The following WHRN variants were observed in gnomAD, a reference collection of about 807,000 sequenced individuals.
WHRN encodes the protein whirlin.
In WHRN, 41 loss-of-function variants were observed where a neutral mutation model predicts 68.3. The ratio of observed to expected loss-of-function variants is 0.60; its 90% CI spans 0.47 to 0.78. The LOEUF (loss-of-function observed/expected upper bound fraction) is 0.78, where lower values mean the gene tolerates loss of function less well. Among genes scored for constraint, WHRN ranks in the 30% least tolerant of loss-of-function variants. The pLI, the probability that WHRN is intolerant of heterozygous loss-of-function variation, is 0.00. For missense variants in WHRN, 1,243 were observed against 1,244.7 expected (o/e 1.00, Z 0.02); for synonymous variants, 560 against 561.3 (o/e 1.00, Z 0.03).
chr9:114,425,174 T>C (rs1486286644), intron 4 of WHRN, 150 bp from the exon 5 acceptor site: 1 of 807,966 alleles, frequency 1.2e-6, no homozygotes, highest in Middle Eastern at 2.5e-4. Flanking sequence ...GTCTGGGGGC[T>C]ACTCAGGGGT....
chr9:114,443,846 A>G (rs1006484370), intron 3 of WHRN, among the ~76,000 whole-genome samples: 1 of 152,026 alleles, frequency 6.6e-6, no homozygotes, highest in African/African-American at 2.4e-5. Flanking sequence ...AAGGAAAGAC[A>G]GGTTTAATGG....
chr9:114,499,000 C>T (rs1843696069), intron 1 of WHRN, among the ~76,000 whole-genome samples: 1 of 152,190 alleles, frequency 6.6e-6, no homozygotes, highest in Non-Finnish European at 1.5e-5. Context: ...CTCCAGGTGA[C>T]AATGATGTGT....
rs1257759693 is a variant in WHRN at position 114,406,624 on chromosome 9, G to A, written c.1967C>T (p.Pro656Leu). 2 of 1,611,710 alleles carry A rather than the reference G, an allele frequency of 1.2e-6. No homozygotes were observed. The highest frequency in any genetic ancestry group is 1.7e-6 in the Non-Finnish European group (2 of 1,178,254). Residue 656 changes from proline (P) to leucine (L), a missense_variant, in exon 9 of 12, where the codon CCT becomes CTT. Pro to Leu is a moderately conservative substitution (Grantham distance 98, BLOSUM62 -3). Transcript: ENST00000362057. Reference protein sequence around the residue: ...PSSPIYASVSPANPSSKRPLD... With the variant: ...PSSPIYASVSLANPSSKRPLD... Reference sequence around the variant, plus strand: ...CGGCCTCTTGGAGCTGGGGTTGGCAGGGGAGACGGAGGCATAGATGGGGGA... The same window carrying A: ...CGGCCTCTTGGAGCTGGGGTTGGCAAGGGAGACGGAGGCATAGATGGGGGA...
At chr9:114,457,280 G>A (rs551618331) in intron 3 of WHRN, among the ~76,000 whole-genome samples, 1 of 152,232 alleles carries the variant, frequency 6.6e-6, no homozygotes, top group African/African-American at 2.4e-5. Context: ...AACAAACAAG[G>A]TGAACCTGGG....
intron 3 of WHRN, among the ~76,000 whole-genome samples, chr9:114,442,171 C>T (rs1333554385): frequency 1.2e-4 from 18 of 152,128 alleles, no homozygotes; most frequent in Admixed American, 1.1e-3. Flanking sequence ...TGAAACTAAA[C>T]AATCATAAAA....
rs1259270342 is a variant in WHRN at position 114,505,019 on chromosome 9, G to C, written c.-218C>G. 1.7e-6 allele frequency: 1 copy of C among 577,880 alleles called. No individual in the cohort carries two copies. Among genetic ancestry groups the C allele is most frequent in the Non-Finnish European group, 2.6e-6 (1 of 381,996 alleles). The allele number at this position is 577,880 out of a possible 1,614,324, so 35.8% of individuals were successfully genotyped here. A position where few individuals can be genotyped will look rare whatever the true frequency, so the allele number is the denominator to read the frequency against. On this transcript the variant is annotated 5_prime_UTR_variant, in exon 1 of 12. Coordinates refer to ENST00000362057, the MANE Select transcript of WHRN (RefSeq NM_015404.4). ...GAAGACGGCGGGGGTCGCGAACCTGGAATCCGGGGGACGCGGAGACGTCGG... is the reference window on the plus strand; with the variant it reads ...GAAGACGGCGGGGGTCGCGAACCTGCAATCCGGGGGACGCGGAGACGTCGG...
chr9:114,426,670 G>A lies in WHRN; in HGVS notation c.964-257C>T, dbSNP rs563669033. Among the ~76,000 whole-genome samples, 4 of 152,324 alleles carry A rather than the reference G, an allele frequency of 2.6e-5. No homozygotes were observed. In the South Asian group the frequency reaches 8.3e-4, roughly 32 times the overall value. ...TGACTCAGCAATGGCTTTGAGGGGT[G>A]GGTCTACGATGACATTCCAAGGGTC... On this transcript the variant is annotated intron_variant, in intron 3 of 11. Transcript: ENST00000362057.
At chr9:114,407,008 G>T in intron 8 of WHRN, 116 bp from the exon 9 acceptor site, 6 of 1,252,460 alleles carry the variant, frequency 4.8e-6, no homozygotes, top group Non-Finnish European at 6.8e-6. Flanking sequence ...CACTCTAACT[G>T]CTCTTGGCCA....
chr9:114,504,089 T>A, intron 1 of WHRN, 95 bp downstream of exon 1: 3 of 1,561,144 alleles, frequency 1.9e-6, no homozygotes, highest in Non-Finnish European at 8.7e-7. Context: ...AAAGGCCAAG[T>A]GATTCATCTA....
intron 1 of WHRN, among the ~76,000 whole-genome samples, chr9:114,485,969 G>A (rs990944753): frequency 6.6e-6 from 1 of 152,062 alleles, no homozygotes; most frequent in African/African-American, 2.4e-5. Context: ...AGCTATGATC[G>A]AGCCACTGCA....
At chr9:114,467,852 A>G (rs868665306) in intron 2 of WHRN, among the ~76,000 whole-genome samples, 5 of 152,352 alleles carry the variant, frequency 3.3e-5, no homozygotes, top group Middle Eastern at 3.4e-3. Flanking sequence ...TAAGGGATCC[A>G]AAGAGAGCAC....
chr9:114,480,822 A>G (rs1842043238), intron 1 of WHRN, among the ~76,000 whole-genome samples: 1 of 152,246 alleles, frequency 6.6e-6, no homozygotes, highest in South Asian at 2.1e-4. Context: ...CATGTCTTAT[A>G]GTATGAAGTC....
At chr9:114,502,919 C>T (rs1298682459) in intron 1 of WHRN, among the ~76,000 whole-genome samples, 1 of 152,180 alleles carries the variant, frequency 6.6e-6, no homozygotes, top group Non-Finnish European at 1.5e-5. Flanking sequence ...GGAATTGTTG[C>T]ATGGAAACTC....
intron 3 of WHRN, among the ~76,000 whole-genome samples, chr9:114,456,127 A>C (rs1839768369): frequency 9.2e-6 from 1 of 108,544 alleles, no homozygotes; most frequent in South Asian, 4.2e-4. Context: ...AATGTGTAAA[A>C]AAAAAAACTC....
In WHRN at chr9:114,426,029, G is replaced by A. The variant is rs1589112490; in HGVS notation, c.1166+182C>T. On this transcript the variant is annotated intron_variant, in intron 4 of 11. Coordinates refer to ENST00000362057, the MANE Select transcript of WHRN (RefSeq NM_015404.4). ...GATGGTGTATTTCAGCTTTCCATGG[G>A]GAAACTGAGGCCAAGAGAGGAGAGG... 21 of 728,946 alleles carry A rather than the reference G, an allele frequency of 2.9e-5. No homozygotes were observed. In the East Asian group the frequency reaches 5.1e-4, roughly 18 times the overall value. The allele number at this position is 728,946 out of a possible 1,614,324, so 45.2% of individuals were successfully genotyped here.
At chr9:114,406,262 G>A (rs1261936895) in intron 9 of WHRN, 93 bp downstream of exon 9, 2 of 1,567,136 alleles carry the variant, frequency 1.3e-6, no homozygotes, top group African/African-American at 1.3e-5. Flanking sequence ...TCAACAAGTA[G>A]CTGGTCCCCC....
intron 7 of WHRN, among the ~76,000 whole-genome samples, chr9:114,420,783 G>C (rs1836216760): frequency 6.6e-6 from 1 of 152,128 alleles, no homozygotes; most frequent in South Asian, 2.1e-4. Flanking sequence ...TCAGGGTGTG[G>C]CCAGCATTTC....
chr9:114,455,171 ATAGACTT>A (rs1448608595), intron 3 of WHRN, among the ~76,000 whole-genome samples: 1 of 65,164 alleles, frequency 1.5e-5, no homozygotes, highest in Non-Finnish European at 3.3e-5. Flanking sequence ...GATTGACAAA[ATAGACTT>A]TATTAAAATG....
At chr9:114,452,903 A>C (rs1441076448) in intron 3 of WHRN, among the ~76,000 whole-genome samples, 1 of 151,712 alleles carries the variant, frequency 6.6e-6, no homozygotes, top group East Asian at 2.0e-4. Context: ...CTGGGCCCCC[A>C]GCATAGAGCC....
Sources: gnomAD v4.1 joint callset for allele counts (sites outside exome capture counted in the v4.1 genomes callset) on GRCh38, gnomAD v4.1.1 for gene constraint, MANE v1.5 for transcripts, NCBI Gene and HGNC (gene_info 2026-07-23, HGNC 2026-07-21) for gene names.